ARHGEF35: variants seen among roughly 807,000 people sequenced by gnomAD.
ARHGEF35 encodes the protein Rho guanine nucleotide exchange factor (GEF) 35.
For missense variants in ARHGEF35, 114 were observed against 449.7 expected (o/e 0.25, Z 6.75); for synonymous variants, 47 against 170.4 (o/e 0.28, Z 5.64).
rs1375392061 is a variant in ARHGEF35, at chr7:144,193,881, G to C, written c.-13+1657C>G. Among the ~76,000 whole-genome samples, 26 of 145,466 alleles carry C rather than the reference G, an allele frequency of 1.8e-4. 1 individual carries two copies. The highest frequency in any genetic ancestry group is 3.7e-4 in the Non-Finnish European group (24 of 65,146). The stretch of plus-strand genomic sequence containing the variant: ...TAACATAGACCTTGAGGGTGACTTT[G>C]TTCCAGTCTACCTTGCAGGCACTAT... On this transcript the variant is annotated intron_variant, in intron 1 of 1. Coordinates refer to ENST00000378115, the MANE Select transcript of ARHGEF35 (RefSeq NM_001003702.3).
chr7:144,189,837 T>A (rs2051985516), intron 1 of ARHGEF35, among the ~76,000 whole-genome samples: 1 of 128,590 alleles, frequency 7.8e-6, no homozygotes, highest in African/African-American at 3.1e-5. Flanking sequence ...GATGGAGTCT[T>A]GCTCTGTCAC....
At position 144,186,819 on chromosome 7, in the gene ARHGEF35, T is replaced by C; in HGVS notation, c.*110A>G. The C allele has an allele frequency of 1.0e-6, 1 of 973,158 alleles. No individual in the cohort carries two copies. The highest frequency in any genetic ancestry group is 1.5e-6 in the Non-Finnish European group (1 of 679,834). The allele number at this position is 973,158 out of a possible 1,614,324, so 60.3% of individuals were successfully genotyped here. Reference sequence around the variant, plus strand: ...AGCATAAGAAAGATATGAAAATCCCTAAACATTTGGAAATTTAAAAACACA... The same window carrying C: ...AGCATAAGAAAGATATGAAAATCCCCAAACATTTGGAAATTTAAAAACACA... On this transcript the variant is annotated 3_prime_UTR_variant, in exon 2 of 2. Transcript: ENST00000378115.
intron 1 of ARHGEF35, among the ~76,000 whole-genome samples, chr7:144,191,326 C>T (rs1380903594): frequency 8.0e-5 from 10 of 125,200 alleles, no homozygotes; most frequent in Admixed American, 2.5e-4. Context: ...CACCTGTCAC[C>T]ATCTGTCCCT....
intron 1 of ARHGEF35, among the ~76,000 whole-genome samples, chr7:144,190,818 G>T (rs2051995791): frequency 6.7e-6 from 1 of 149,688 alleles, no homozygotes; most frequent in Admixed American, 6.6e-5. Flanking sequence ...AGCTACTTGG[G>T]GGCTGAGATG....
chr7:144,192,230 T>C (rs963421189), intron 1 of ARHGEF35, among the ~76,000 whole-genome samples: 828 of 62,642 alleles, frequency 0.013, 2 homozygotes, highest in East Asian at 0.072. Context: ...CCACTGTGTG[T>C]ACACACACAC....
chr7:144,187,000 G>C lies in ARHGEF35; in HGVS notation c.1384C>G (p.Pro462Ala), dbSNP rs1471248637. Residue 462 changes from proline to alanine, a missense_variant, in exon 2 of 2, where the codon CCC becomes GCC. By Grantham distance (27) the Pro-to-Ala change is conservative. Transcript: ENST00000378115. ...LLEPIRCSHQ[P>A]ISLLGSFLTE... ...AAAAAGGAGCCCAGTAGAGAAATGG[G>C]CTGGTGAGAGCATCTGATGGGCTCT... 3.9e-6 allele frequency: 6 copies of C among 1,546,046 alleles called. No individual in the cohort carries two copies. The highest frequency in any genetic ancestry group is 3.3e-5 in the South Asian group (3 of 90,606).
Position 144,187,128 on chromosome 7 carries a change from C to T in ARHGEF35, c.1256G>A (p.Cys419Tyr), listed in dbSNP as rs775621967. ...ATATGAGGCACCTGGAAACAGGTCA[C>T]AGTGAGGAGAGTCCTCAGGGGCTAT... ...ALIAPEDSPH[C>Y]DLFPGASYLV... Residue 419 changes from cysteine to tyrosine, a missense_variant, in exon 2 of 2, where the codon TGT becomes TAT. By Grantham distance (194) the Cys-to-Tyr change is radical. Coordinates refer to ENST00000378115, the MANE Select transcript of ARHGEF35 (RefSeq NM_001003702.3). The T allele has an allele frequency of 3.9e-6, 6 of 1,527,510 alleles. No individual in the cohort carries two copies. In the South Asian group the frequency reaches 6.7e-5, roughly 17 times the overall value. The allele number at this position is 1,527,510 out of a possible 1,614,324, so 94.6% of individuals were successfully genotyped here.
At position 144,187,058 on chromosome 7, in the gene ARHGEF35, C is replaced by T; in HGVS notation, c.1326G>A (p.Glu442=). Residue 442 remains glutamate, a synonymous_variant, in exon 2 of 2, where the codon GAG becomes GAA. Coordinates refer to ENST00000378115, the MANE Select transcript of ARHGEF35 (RefSeq NM_001003702.3). The stretch of plus-strand genomic sequence containing the variant: ...GAGACAGAGCTGCGGGGGACAGTTC[C>T]TCAGCCCTGGACTCTGTCTGAGTCC... ...IPGTQTESRA[E]ELSPAALSPL... 6.5e-7 allele frequency: 1 copy of T among 1,543,796 alleles called. No homozygotes were observed. Among genetic ancestry groups the T allele is most frequent in the Admixed American group, 1.7e-5 (1 of 58,612 alleles).
At position 144,187,014 on chromosome 7, in the gene ARHGEF35, C is replaced by A; in HGVS notation, c.1370G>T (p.Arg457Ile). Residue 457 changes from arginine to isoleucine, a missense_variant, in exon 2 of 2, where the codon AGA (arginine) becomes ATA (isoleucine). Arg to Ile is a moderately conservative substitution (Grantham distance 97). Transcript: ENST00000378115. The stretch of plus-strand genomic sequence containing the variant: ...TAGAGAAATGGGCTGGTGAGAGCAT[C>A]TGATGGGCTCTAGCAAGGGAGACAG... ...AALSPLLEPI[R>I]CSHQPISLLG... 2 of 1,545,962 alleles carry A rather than the reference C, an allele frequency of 1.3e-6. No homozygotes were observed. Among genetic ancestry groups the A allele is most frequent in the African/African-American group, 2.8e-5 (2 of 71,276 alleles).
intron 1 of ARHGEF35, among the ~76,000 whole-genome samples, chr7:144,192,116 C>T: frequency 7.6e-6 from 1 of 132,186 alleles, no homozygotes; most frequent in Admixed American, 7.2e-5. Context: ...CCAGAGAAGA[C>T]CCCAGAATTC....
At chr7:144,190,831 AG>A (rs2128813246) in intron 1 of ARHGEF35, among the ~76,000 whole-genome samples, 1 of 148,998 alleles carries the variant, frequency 6.7e-6, no homozygotes, top group South Asian at 2.1e-4. Context: ...CTGAGATGGG[AG>A]GATCCCTTGA....
In ARHGEF35 at chr7:144,186,382, A is replaced by G; in HGVS notation, c.*547T>C. ...CACAATTATAGTTAGAAATTTCCTCATGCCTTTTTCAATAATTGATAGAAC... is the reference window on the plus strand; with the variant it reads ...CACAATTATAGTTAGAAATTTCCTCGTGCCTTTTTCAATAATTGATAGAAC... On this transcript the variant is annotated 3_prime_UTR_variant, in exon 2 of 2. Coordinates refer to ENST00000378115, the MANE Select transcript of ARHGEF35 (RefSeq NM_001003702.3). 6.5e-6 allele frequency: 1 copy of G among 153,654 alleles called. No homozygotes were observed. Among genetic ancestry groups the G allele is most frequent in the African/African-American group, 2.7e-5 (1 of 36,524 alleles). 9.5% of individuals were successfully genotyped at this position (153,654 alleles called of 1,614,324 possible). A position where few individuals can be genotyped will look rare whatever the true frequency, so the allele number is the denominator to read the frequency against.
Position 144,191,154 on chromosome 7 carries a change from C to T in ARHGEF35, c.-12-2759G>A, listed in dbSNP as rs1377960655. On this transcript the variant is annotated intron_variant, in intron 1 of 1. Transcript: ENST00000378115. ...TGGCGTCCACCCATTTCACGTTATT[C>T]CAGTCCTTTCTCCATACAGCACCTA... Among the ~76,000 whole-genome samples, 4 of 108,634 alleles carry T rather than the reference C, an allele frequency of 3.7e-5. 1 individual carries two copies. The highest frequency in any genetic ancestry group is 1.3e-4 in the African/African-American group (4 of 29,938). 71.3% of individuals were successfully genotyped at this position (108,634 alleles called of 152,430 possible).
At chr7:144,191,874 A>G (rs1478381616) in intron 1 of ARHGEF35, among the ~76,000 whole-genome samples, 2 of 117,698 alleles carry the variant, frequency 1.7e-5, no homozygotes, top group African/African-American at 6.9e-5. Context: ...GACCTGAGAG[A>G]CAGAGAATAA....
chr7:144,188,494 AT>A, intron 1 of ARHGEF35, 99 bp from the exon 2 acceptor site: 1 of 294,450 alleles, frequency 3.4e-6, no homozygotes, highest in Non-Finnish European at 4.8e-6. Context: ...ATTTGGTTCC[AT>A]TTAGGGTCAT....
At chr7:144,193,932 C>T (rs2052022056) in intron 1 of ARHGEF35, among the ~76,000 whole-genome samples, 2 of 144,628 alleles carry the variant, frequency 1.4e-5, no homozygotes, top group Admixed American at 6.7e-5. Flanking sequence ...GCTTACTCCA[C>T]AGACACTGTG....
chr7:144,186,797 A>C lies in ARHGEF35; in HGVS notation c.*132T>G. On this transcript the variant is annotated 3_prime_UTR_variant, in exon 2 of 2. Transcript: ENST00000378115. ...GTAGGGAATCCAATTGGAAATCAGC[A>C]TAAGAAAGATATGAAAATCCCTAAA... 1.3e-6 allele frequency: 1 copy of C among 799,666 alleles called. No individual in the cohort carries two copies. Among genetic ancestry groups the C allele is most frequent in the Non-Finnish European group, 1.9e-6 (1 of 529,874 alleles). The allele number at this position is 799,666 out of a possible 1,614,324, so 49.5% of individuals were successfully genotyped here. A position where few individuals can be genotyped will look rare whatever the true frequency, so the allele number is the denominator to read the frequency against.
In ARHGEF35 at chr7:144,187,017, A is replaced by T. The variant is rs1385079564; in HGVS notation, c.1367T>A (p.Ile456Asn). 6.5e-7 allele frequency: 1 copy of T among 1,545,906 alleles called. No homozygotes were observed. The highest frequency in any genetic ancestry group is 1.7e-5 in the Admixed American group (1 of 58,880). Reference protein sequence around the residue: ...PAALSPLLEPIRCSHQPISLL... With the variant: ...PAALSPLLEPNRCSHQPISLL... ...AGAAATGGGCTGGTGAGAGCATCTGATGGGCTCTAGCAAGGGAGACAGAGC... is the reference window on the plus strand; with the variant it reads ...AGAAATGGGCTGGTGAGAGCATCTGTTGGGCTCTAGCAAGGGAGACAGAGC... Residue 456 changes from isoleucine to asparagine, a missense_variant, in exon 2 of 2, where the codon ATC becomes AAC. Ile to Asn is a moderately radical substitution (Grantham distance 149). Transcript: ENST00000378115.
chr7:144,193,791 A>G (rs1185715308), intron 1 of ARHGEF35, among the ~76,000 whole-genome samples: 2 of 141,106 alleles, frequency 1.4e-5, no homozygotes, highest in Admixed American at 6.9e-5. Context: ...ACACTCTACA[A>G]TCTCATCTGT....
Sources: allele counts gnomAD v4.1 joint callset (sites outside exome capture counted in the v4.1 genomes callset), GRCh38; gene constraint gnomAD v4.1.1; transcripts MANE v1.5; gene names NCBI Gene and HGNC (gene_info 2026-07-23, HGNC 2026-07-21).